The following ESRRG variants were observed in gnomAD, a reference collection of about 807,000 sequenced individuals.
The protein encoded by ESRRG is estrogen related receptor gamma, also known as estrogen-related receptor gamma.
ESRRG carries 13 observed loss-of-function variants against 44.0 expected under a neutral mutation model. The observed-to-expected ratio is 0.30, with a 90% CI of 0.19 to 0.47. The LOEUF (loss-of-function observed/expected upper bound fraction) is 0.47, where lower values mean the gene tolerates loss of function less well. Ranked by LOEUF, ESRRG falls within the 20% of genes least tolerant of loss-of-function variation. ESRRG has a pLI of 1.00. For synonymous variants in ESRRG, 215 were observed against 214.6 expected (o/e 1.00, Z -0.02); for missense variants, 395 against 580.6 (o/e 0.68, Z 3.29).
chr1:216,774,843 G>A (rs2093538157), intron 2 of ESRRG, among the ~76,000 whole-genome samples: 1 of 130,616 alleles, frequency 7.7e-6, no homozygotes, highest in African/African-American at 3.0e-5. Flanking sequence ...AACCAGGCTG[G>A]AGTGCTGGAG....
At chr1:216,914,179 G>T (rs1343804444) in intron 2 of ESRRG, among the ~76,000 whole-genome samples, 1 of 151,826 alleles carries the variant, frequency 6.6e-6, no homozygotes, top group Admixed American at 6.6e-5. Context: ...TGAAGATAAA[G>T]CGAATCCTTT....
At chr1:216,668,962 C>T (rs961971268) in intron 2 of ESRRG, among the ~76,000 whole-genome samples, 1 of 152,132 alleles carries the variant, frequency 6.6e-6, no homozygotes, top group East Asian at 1.9e-4. Context: ...TCTTTTTCAT[C>T]AATGTTGCCT....
In ESRRG at chr1:216,885,805, T is replaced by C. The variant is rs148265725; in HGVS notation, c.-14+53777A>G. On this transcript the variant is annotated intron_variant, in intron 2 of 7. Coordinates refer to the ESRRG transcript ENST00000359162. ...ATATACGGGCTATCTTTTTCTCATA[T>C]AGGTTGATCTCCATGTGGCCCTCCT... Among the ~76,000 whole-genome samples, 379 of 152,158 alleles carry C rather than the reference T, an allele frequency of 2.5e-3. 1 individual carries two copies. Among genetic ancestry groups the C allele is most frequent in the Admixed American group, 5.8e-3 (88 of 15,270 alleles).
At chr1:216,779,053 G>A (rs766142651) in intron 2 of ESRRG, among the ~76,000 whole-genome samples, 7 of 141,270 alleles carry the variant, frequency 5.0e-5, no homozygotes, top group Non-Finnish European at 9.1e-5. Context: ...CTTCCTTAGT[G>A]GTTATTCATA....
chr1:216,656,863 C>T (rs2070736438), intron 2 of ESRRG, among the ~76,000 whole-genome samples: 1 of 152,106 alleles, frequency 6.6e-6, no homozygotes, highest in Non-Finnish European at 1.5e-5. Context: ...AACTAAATAG[C>T]TTGCAATGAC....
chr1:217,071,257 C>CA (rs1422749534), intron 1 of ESRRG, among the ~76,000 whole-genome samples: 2 of 152,036 alleles, frequency 1.3e-5, no homozygotes, highest in Admixed American at 6.6e-5. Context: ...TGCAAAAAAA[C>CA]AAAAAACAAA....
At chr1:216,801,532 T>C (rs749258468) in intron 2 of ESRRG, among the ~76,000 whole-genome samples, 25 of 152,158 alleles carry the variant, frequency 1.6e-4, no homozygotes, top group Non-Finnish European at 3.2e-4. Context: ...GTATTTACAA[T>C]GGGGGCACCA....
At chr1:216,717,547 T>C (rs188977549) in intron 1 of ESRRG, among the ~76,000 whole-genome samples, 192 of 151,848 alleles carry the variant, frequency 1.3e-3, no homozygotes, top group African/African-American at 4.5e-3. Flanking sequence ...TAGCAGTAAA[T>C]TTGTTAAAAT....
At chr1:216,653,071 T>A (rs950350974) in intron 2 of ESRRG, among the ~76,000 whole-genome samples, 6 of 152,226 alleles carry the variant, frequency 3.9e-5, no homozygotes, top group African/African-American at 9.6e-5. Context: ...TATCAAGGCA[T>A]GAGTGCTAGT....
intron 2 of ESRRG, among the ~76,000 whole-genome samples, chr1:216,902,227 G>A (rs557328782): frequency 1.2e-4 from 18 of 152,298 alleles, no homozygotes; most frequent in Admixed American, 9.8e-4. Context: ...GGTGGCTCAC[G>A]CCTGTAATCC....
chr1:217,113,854 G>A (rs886910183), intron 1 of ESRRG, among the ~76,000 whole-genome samples: 6 of 152,060 alleles, frequency 3.9e-5, no homozygotes, highest in Non-Finnish European at 8.8e-5. Flanking sequence ...TTAGCTGGGT[G>A]TAGCGGTGCA....
intron 2 of ESRRG, among the ~76,000 whole-genome samples, chr1:216,907,111 C>T (rs377251352): frequency 3.3e-5 from 5 of 152,296 alleles, no homozygotes; most frequent in African/African-American, 1.2e-4. Context: ...AGGTAATACT[C>T]TACGTTGTAA....
intron 1 of ESRRG, among the ~76,000 whole-genome samples, chr1:217,104,891 C>A (rs979200106): frequency 1.3e-5 from 2 of 152,172 alleles, no homozygotes; most frequent in African/African-American, 4.8e-5. Flanking sequence ...AGGGATGCAG[C>A]TTCCATTGTG....
chr1:216,581,350 A>T (rs141166732), intron 3 of ESRRG, among the ~76,000 whole-genome samples: 8 of 152,326 alleles, frequency 5.3e-5, no homozygotes, highest in Non-Finnish European at 8.8e-5. Flanking sequence ...ATACATGCAT[A>T]CTTGTACATA....
intron 2 of ESRRG, among the ~76,000 whole-genome samples, chr1:216,666,294 C>A (rs1308889568): frequency 1.3e-5 from 2 of 152,186 alleles, no homozygotes; most frequent in African/African-American, 2.4e-5. Flanking sequence ...TTCTAATATA[C>A]CCTATCTGGC....
chr1:216,531,179 T>C (rs963787017), intron 5 of ESRRG, among the ~76,000 whole-genome samples: 6 of 152,138 alleles, frequency 3.9e-5, no homozygotes, highest in African/African-American at 1.4e-4. Context: ...TATGAAATTA[T>C]AGCATGCTGA....
At chr1:216,723,708 AT>A (rs970517424), upstream of ESRRG, among the ~76,000 whole-genome samples, 2 of 151,610 alleles carry the variant, frequency 1.3e-5, no homozygotes, top group African/African-American at 2.4e-5. Context: ...CTCGGGTTTG[AT>A]TTTTTTTCCT....
At chr1:216,725,852 C>A (rs954843396), upstream of ESRRG, among the ~76,000 whole-genome samples, 1 of 152,100 alleles carries the variant, frequency 6.6e-6, no homozygotes, top group Non-Finnish European at 1.5e-5. Context: ...TGTTCAGTTT[C>A]TTTACATTAT....
intron 3 of ESRRG, among the ~76,000 whole-genome samples, chr1:216,608,074 G>T (rs1219235050): frequency 6.6e-6 from 1 of 152,140 alleles, no homozygotes; most frequent in African/African-American, 2.4e-5. Context: ...TAACTGAGCA[G>T]TCCAATAAAT....
Sources: gnomAD v4.1 joint callset for allele counts (sites outside exome capture counted in the v4.1 genomes callset) on GRCh38, gnomAD v4.1.1 for gene constraint, MANE v1.5 for transcripts, NCBI Gene and HGNC (gene_info 2026-07-23, HGNC 2026-07-21) for gene names.